STAT2: variants seen among roughly 807,000 people sequenced by gnomAD.
STAT2 encodes the protein signal transducer and activator of transcription 2.
STAT2 carries 51 observed loss-of-function variants against 122.3 expected under a neutral mutation model. That is an observed-to-expected ratio of 0.42 (90% CI 0.33 to 0.53). The LOEUF is 0.53. Among genes scored for constraint, STAT2 ranks in the 20% least tolerant of loss-of-function variants. The probability of loss-of-function intolerance (pLI) is 0.10; values close to 1 mark genes in which losing one functional copy is unlikely to be tolerated. For missense variants in STAT2, 736 were observed against 1,010.3 expected (o/e 0.73, Z 3.68); for synonymous variants, 351 against 394.9 (o/e 0.89, Z 1.32).
chr12:56,357,490 G>A (rs1592221001), intron 1 of STAT2, among the ~76,000 whole-genome samples: 1 of 151,166 alleles, frequency 6.6e-6, no homozygotes, highest in South Asian at 2.1e-4. Flanking sequence ...ATAGGCTCCC[G>A]CCACCATGCC....
chr12:56,351,562 GAA>G lies in STAT2; in HGVS notation c.783-114_783-113del, dbSNP rs1226618407. The G allele has an allele frequency of 1.4e-4, 142 of 1,036,330 alleles. 1 individual carries two copies. The East Asian group carries it at 3.2e-3, about 24-fold the overall frequency. The allele number at this position is 1,036,330 out of a possible 1,614,324, so 64.2% of individuals were successfully genotyped here. The stretch of plus-strand genomic sequence containing the variant: ...AGAGTCAGAAACTGACTGGGGGGAA[GAA>G]AAAAAAAGAATCCAGGAAGCATATA... On this transcript the variant is annotated intron_variant, in intron 8 of 23. Transcript: ENST00000314128.
Position 56,343,531 on chromosome 12 carries a change from A to C in STAT2, c.2414T>G (p.Ile805Ser). 1 of 1,613,492 alleles carries C rather than the reference A, an allele frequency of 6.2e-7. No homozygotes were observed. The change falls in exon 24 of 24, where the codon ATC becomes AGC. Residue 805 changes from isoleucine (I) to serine (S), a missense_variant and splice_region_variant. Ile to Ser is a moderately radical substitution (Grantham distance 142). Transcript: ENST00000314128. ...LRHLNTEPME[I>S]FRNCVKIEEI... Reference sequence around the variant, plus strand: ...TTCAATCTTTACACAGTTTCTGAAGACTAGGTAATCCAGAGAGAAAAGTGA... The same window carrying C: ...TTCAATCTTTACACAGTTTCTGAAGCCTAGGTAATCCAGAGAGAAAAGTGA...
chr12:56,351,011 G>T, intron 10 of STAT2, 87 bp downstream of exon 10: 1 of 1,573,052 alleles, frequency 6.4e-7, no homozygotes, highest in Non-Finnish European at 8.7e-7. Context: ...AGAAGAAAAA[G>T]CCAAGAGTGG....
chr12:56,348,384 G>A (rs549387740), intron 19 of STAT2, 145 bp downstream of exon 19: 1 of 803,338 alleles, frequency 1.2e-6, no homozygotes, highest in African/African-American at 1.7e-5. Flanking sequence ...ACCACACCCG[G>A]CCTTATTATT....
chr12:56,348,995 C>T lies in STAT2; in HGVS notation c.1505G>A (p.Trp502Ter). The T allele has an allele frequency of 6.2e-7, 1 of 1,613,970 alleles. No homozygotes were observed. The highest frequency in any genetic ancestry group is 1.1e-5 in the South Asian group (1 of 91,040). ...TCGGCCAACATAGGAGGAGAACTGCCAACTGAGAGCAGGGCCCAGCAAGCT... is the reference window on the plus strand; with the variant it reads ...TCGGCCAACATAGGAGGAGAACTGCTAACTGAGAGCAGGGCCCAGCAAGCT... ...PWSLLGPALSWQFSSYVGRGL... is the reference protein window; with the variant it reads ...PWSLLGPALS The change falls in exon 17 of 24, where the codon TGG becomes TAG. Residue 502 changes from tryptophan to a stop codon, truncating the protein, a stop_gained. Transcript: ENST00000314128. LOFTEE classifies it high-confidence loss of function.
At chr12:56,343,684 GTA>G in intron 23 of STAT2, 139 bp downstream of exon 23, 1 of 1,527,156 alleles carries the variant, frequency 6.5e-7, no homozygotes, top group East Asian at 2.3e-5. Flanking sequence ...GAAGGCATGT[GTA>G]ATTCCTAAAA....
intron 8 of STAT2, among the ~76,000 whole-genome samples, chr12:56,353,545 CAATAT>C (rs1878883885): frequency 6.6e-6 from 1 of 151,884 alleles, no homozygotes; most frequent in Non-Finnish European, 1.5e-5. Context: ...TTCTACAACA[CAATAT>C]AATTACCATA....
In STAT2 at chr12:56,345,524, A is replaced by AAATATAT. The variant is rs1555169410; in HGVS notation, c.2102+621_2102+622insATATATT. Among the ~76,000 whole-genome samples, 5 of 26,250 alleles carry AAATATAT rather than the reference A, an allele frequency of 1.9e-4. 1 individual carries two copies. Among genetic ancestry groups the AAATATAT allele is most frequent in the African/African-American group, 1.1e-3 (2 of 1,872 alleles). 17.2% of individuals were successfully genotyped at this position (26,250 alleles called of 152,430 possible). On this transcript the variant is annotated intron_variant, in intron 22 of 23. Coordinates refer to ENST00000314128, the MANE Select transcript of STAT2 (RefSeq NM_005419.4). ...AAAAAAAAAAAAAAAAAAAAAAAAA[A>AAATATAT]ATATATATATATGCGGGGTGTGGTG...
chr12:56,345,458 C>T (rs1201087502), intron 22 of STAT2, among the ~76,000 whole-genome samples: 1 of 126,682 alleles, frequency 7.9e-6, no homozygotes, highest in Admixed American at 8.8e-5. Flanking sequence ...CATGATTATA[C>T]CACTGCACTC....
At chr12:56,346,325 C>T (rs1402353743) in intron 21 of STAT2, 117 bp downstream of exon 21, 20 of 1,554,026 alleles carry the variant, frequency 1.3e-5, no homozygotes, top group African/African-American at 2.7e-5. Context: ...ATCCCATGGA[C>T]GAATCCCTTA....
Position 56,356,653 on chromosome 12 carries a change from T to C in STAT2, c.-7-75A>G. On this transcript the variant is annotated intron_variant, in intron 1 of 23. Transcript: ENST00000314128. The stretch of plus-strand genomic sequence containing the variant: ...TCATCCATAGTTTCATGATTGTTCA[T>C]TATTACTAATTTAAAATGTTTAAAT... 3 of 1,526,012 alleles carry C rather than the reference T, an allele frequency of 2.0e-6. No homozygotes were observed. In the Admixed American group the frequency reaches 6.2e-5, roughly 32 times the overall value. The allele number at this position is 1,526,012 out of a possible 1,614,324, so 94.5% of individuals were successfully genotyped here. A position where few individuals can be genotyped will look rare whatever the true frequency, so the allele number is the denominator to read the frequency against.
intron 13 of STAT2, 139 bp from the exon 14 acceptor site, chr12:56,349,775 A>G (rs1878153391): frequency 9.1e-7 from 1 of 1,098,150 alleles, no homozygotes; most frequent in Non-Finnish European, 1.3e-6. Flanking sequence ...CAGGCCAGCT[A>G]TGGTGGCTCA....
intron 8 of STAT2, among the ~76,000 whole-genome samples, chr12:56,353,007 G>A (rs1288755510): frequency 2.0e-5 from 3 of 148,926 alleles, no homozygotes; most frequent in Non-Finnish European, 3.0e-5. Context: ...TTTTTGAGAC[G>A]GAGTCTCGCT....
At position 56,356,483 on chromosome 12, in the gene STAT2, T is replaced by A; in HGVS notation, c.89A>T (p.Asp30Val). Residue 30 changes from aspartate to valine, a missense_variant, in exon 2 of 24, where the codon GAC (aspartate) becomes GTC (valine). Coordinates refer to ENST00000314128, the MANE Select transcript of STAT2 (RefSeq NM_005419.4). ...CCAGACAGCCAAGTACTGTCGAATG[T>A]CCACAGGCAGGAGGCTGTGCGAGTA... Reference protein sequence around the residue: ...QLYSHSLLPVDIRQYLAVWIE... With the variant: ...QLYSHSLLPVVIRQYLAVWIE... 6.2e-7 allele frequency: 1 copy of A among 1,614,174 alleles called. No homozygotes were observed. Among genetic ancestry groups the A allele is most frequent in the Non-Finnish European group, 8.5e-7 (1 of 1,180,044 alleles).
chr12:56,356,581 G>A lies in STAT2; in HGVS notation c.-7-3C>T. The A allele has an allele frequency of 6.2e-7, 1 of 1,614,038 alleles. No individual in the cohort carries two copies. Among genetic ancestry groups the A allele is most frequent in the Non-Finnish European group, 8.5e-7 (1 of 1,179,976 alleles). On this transcript the variant is annotated splice_polypyrimidine_tract_variant and splice_region_variant and intron_variant, in intron 1 of 23. Coordinates refer to ENST00000314128, the MANE Select transcript of STAT2 (RefSeq NM_005419.4). ...TTTCCCACTGCGCCATTTGGGCTCT[G>A]CGTCAGAAGGATGAGGGTTCCCAAT...
At position 56,356,090 on chromosome 12, in the gene STAT2, A is replaced by T. The variant is rs762615; in HGVS notation, c.285+42T>A. On this transcript the variant is annotated intron_variant, in intron 3 of 23. Transcript: ENST00000314128. ...CTCCAAACCTTACTCCTCTATGCTC[A>T]GCTCCCAGTGCTACCCCATCACTCC... 8 of 1,602,218 alleles carry T rather than the reference A, an allele frequency of 5.0e-6. No homozygotes were observed. The East Asian group carries it at 1.8e-4, about 36-fold the overall frequency.
chr12:56,353,431 C>G (rs1878869151), intron 8 of STAT2, among the ~76,000 whole-genome samples: 1 of 152,014 alleles, frequency 6.6e-6, no homozygotes, highest in Admixed American at 6.6e-5. Flanking sequence ...CCATGCCTGG[C>G]CTGGTATATT....
At chr12:56,351,562 G>GAAAAA in intron 8 of STAT2, 112 bp from the exon 9 acceptor site, 1 of 1,036,310 alleles carries the variant, frequency 9.6e-7, no homozygotes, top group Non-Finnish European at 1.4e-6. Context: ...CTGGGGGGAA[G>GAAAAA]AAAAAAAAAG....
intron 18 of STAT2, 31 bp from the exon 19 acceptor site, chr12:56,348,654 T>C (rs765413918): frequency 3.7e-6 from 6 of 1,614,154 alleles, no homozygotes; most frequent in Non-Finnish European, 5.1e-6. Context: ...TAGCAAAAGC[T>C]GAGGAGTTGC....
Sources: allele counts gnomAD v4.1 joint callset (sites outside exome capture counted in the v4.1 genomes callset), GRCh38; gene constraint gnomAD v4.1.1; transcripts MANE v1.5; gene names NCBI Gene and HGNC (gene_info 2026-07-23, HGNC 2026-07-21).